Variants in ZNF521 observed in about 807,000 individuals in gnomAD.
ZNF521 encodes zinc finger protein 521.
Under a neutral mutation model 105.5 loss-of-function variants are expected in ZNF521, and 14 were observed. The observed-to-expected ratio is 0.13, with a 90% CI of 0.09 to 0.21. The LOEUF is 0.21. ZNF521 is among the 10% of genes least tolerant of loss of function. The pLI is 1.00. For synonymous variants in ZNF521, 635 were observed against 606.0 expected (o/e 1.05, Z -0.70); for missense variants, 1,233 against 1,629.7 (o/e 0.76, Z 4.19).
chr18:25,193,838 A>G (rs1298678463), intron 5 of ZNF521, among the ~76,000 whole-genome samples: 1 of 151,938 alleles, frequency 6.6e-6, no homozygotes, highest in Admixed American at 6.6e-5. Flanking sequence ...TACAGAGATG[A>G]ATTGATCAAT....
intron 3 of ZNF521, among the ~76,000 whole-genome samples, chr18:25,275,272 A>G (rs997864394): frequency 6.6e-6 from 1 of 152,322 alleles, no homozygotes; most frequent in African/African-American, 2.4e-5. Flanking sequence ...ATTTCTCCCA[A>G]TACAACTTAT....
At chr18:25,152,828 T>C (rs994571268) in intron 5 of ZNF521, among the ~76,000 whole-genome samples, 1 of 152,190 alleles carries the variant, frequency 6.6e-6, no homozygotes, top group African/African-American at 2.4e-5. Context: ...CTATTTTTGA[T>C]ACTTCGCTGG....
intron 3 of ZNF521, among the ~76,000 whole-genome samples, chr18:25,286,916 A>G (rs1460052714): frequency 6.6e-6 from 1 of 152,208 alleles, no homozygotes; most frequent in Non-Finnish European, 1.5e-5. Flanking sequence ...AATTCCAAAT[A>G]TCTTTTGCAA....
intron 4 of ZNF521, among the ~76,000 whole-genome samples, chr18:25,222,306 C>G (rs1157999812): frequency 6.6e-6 from 1 of 152,126 alleles, no homozygotes; most frequent in Non-Finnish European, 1.5e-5. Flanking sequence ...TCATTCGAGC[C>G]TTAATGATAA....
intron 4 of ZNF521, among the ~76,000 whole-genome samples, chr18:25,212,274 G>T (rs1382202264): frequency 6.6e-6 from 1 of 151,456 alleles, no homozygotes; most frequent in Non-Finnish European, 1.5e-5. Flanking sequence ...CACTTTGGGA[G>T]GCCAAGGTGG....
chr18:25,075,998 T>A (rs1438208538), intron 7 of ZNF521, among the ~76,000 whole-genome samples: 2 of 152,202 alleles, frequency 1.3e-5, no homozygotes, highest in African/African-American at 4.8e-5. Context: ...ACGACAAATC[T>A]GGAAGCCTGT....
At chr18:25,079,239 G>A (rs1341791744) in intron 7 of ZNF521, among the ~76,000 whole-genome samples, 1 of 152,162 alleles carries the variant, frequency 6.6e-6, no homozygotes, top group Non-Finnish European at 1.5e-5. Context: ...TCAGGACCTT[G>A]GTCTCACTCA....
intron 5 of ZNF521, among the ~76,000 whole-genome samples, chr18:25,109,175 T>C (rs904092029): frequency 7.9e-5 from 12 of 151,952 alleles, no homozygotes; most frequent in Non-Finnish European, 1.3e-4. Context: ...TGTGTATCCA[T>C]TGTTTAGTTC....
intron 3 of ZNF521, among the ~76,000 whole-genome samples, chr18:25,263,435 G>A (rs745414269): frequency 2.0e-5 from 3 of 151,866 alleles, no homozygotes; most frequent in African/African-American, 4.8e-5. Flanking sequence ...TTGGCTCACT[G>A]CAACCTCCAC....
chr18:25,234,995 CA>C (rs1906789697), intron 3 of ZNF521, among the ~76,000 whole-genome samples: 1 of 151,812 alleles, frequency 6.6e-6, no homozygotes, highest in Admixed American at 6.6e-5. Context: ...AATAAACAAA[CA>C]AAAATATTCC....
intron 5 of ZNF521, among the ~76,000 whole-genome samples, chr18:25,156,697 CTA>C (rs370953253): frequency 1.3e-5 from 2 of 151,980 alleles, no homozygotes; most frequent in African/African-American, 4.8e-5. Flanking sequence ...TATGGAAAAT[CTA>C]TATGTTACAT....
intron 2 of ZNF521, among the ~76,000 whole-genome samples, chr18:25,346,837 G>C (rs1914483556): frequency 6.6e-6 from 1 of 152,098 alleles, no homozygotes; most frequent in South Asian, 2.1e-4. Context: ...ACACCTGAGG[G>C]TTCAGATATC....
At chr18:25,240,330 T>C (rs562586111) in intron 3 of ZNF521, among the ~76,000 whole-genome samples, 1 of 152,096 alleles carries the variant, frequency 6.6e-6, no homozygotes, top group African/African-American at 2.4e-5. Context: ...GACTTATCCA[T>C]GATCTCACAG....
At chr18:25,275,087 A>C (rs1909944916) in intron 3 of ZNF521, among the ~76,000 whole-genome samples, 1 of 152,206 alleles carries the variant, frequency 6.6e-6, no homozygotes, top group Non-Finnish European at 1.5e-5. Flanking sequence ...TGCCAAAAAA[A>C]CTTGCTATAG....
At chr18:25,285,748 G>A (rs1220938875) in intron 3 of ZNF521, among the ~76,000 whole-genome samples, 5 of 151,858 alleles carry the variant, frequency 3.3e-5, no homozygotes, top group African/African-American at 9.7e-5. Flanking sequence ...GCCTGCGCGC[G>A]CACATGCACG....
intron 3 of ZNF521, among the ~76,000 whole-genome samples, chr18:25,254,549 G>C (rs1908344050): frequency 6.6e-6 from 1 of 152,044 alleles, no homozygotes; most frequent in Non-Finnish European, 1.5e-5. Flanking sequence ...GATTTACAAA[G>C]TCCTTCTCCC....
chr18:25,273,109 C>T (rs1909775004), intron 3 of ZNF521, among the ~76,000 whole-genome samples: 1 of 150,104 alleles, frequency 6.7e-6, no homozygotes, highest in African/African-American at 2.5e-5. Flanking sequence ...CACCTGTAGT[C>T]CCAGCTACTT....
At chr18:25,212,912 C>T (rs577917787) in intron 4 of ZNF521, among the ~76,000 whole-genome samples, 1 of 151,478 alleles carries the variant, frequency 6.6e-6, no homozygotes, top group African/African-American at 2.4e-5. Flanking sequence ...AGCAACTTTG[C>T]TAAAGTTTTA....
intron 5 of ZNF521, among the ~76,000 whole-genome samples, chr18:25,175,087 T>A (rs1189164603): frequency 6.6e-6 from 1 of 152,164 alleles, no homozygotes; most frequent in Non-Finnish European, 1.5e-5. Context: ...TCTACACCAA[T>A]TTCCAAGGTG....
Sources: allele counts gnomAD v4.1 joint callset (sites outside exome capture counted in the v4.1 genomes callset), GRCh38; gene constraint gnomAD v4.1.1; transcripts MANE v1.5; gene names NCBI Gene and HGNC (gene_info 2026-07-23, HGNC 2026-07-21).